PRPF40B: variants seen among roughly 807,000 people sequenced by gnomAD.
PRPF40B encodes the protein pre-mRNA processing factor 40B.
Under a neutral mutation model 124.5 loss-of-function variants are expected in PRPF40B, and 56 were observed. That is an observed-to-expected ratio of 0.45 (90% confidence interval 0.36 to 0.56). The LOEUF is 0.56. PRPF40B is among the 20% of genes least tolerant of loss of function. The pLI is 0.00. For synonymous variants in PRPF40B, 443 were observed against 426.4 expected (o/e 1.04, Z -0.48); for missense variants, 1,053 against 1,169.5 (o/e 0.90, Z 1.45).
At chr12:49,632,819 C>T in intron 5 of PRPF40B, 36 bp from the exon 6 acceptor site, 1 of 1,613,970 alleles carries the variant, frequency 6.2e-7, no homozygotes, top group Non-Finnish European at 8.5e-7. Flanking sequence ...GAGGTCGGAG[C>T]AAGGACTTAG....
In PRPF40B at chr12:49,634,406, G is replaced by A; in HGVS notation, c.887G>A (p.Ser296Asn). ...CCAGAGAGGTCTGGCCTCAGTTGGA[G>A]CAACCGGGAGAAGGCAAAGCAGGCA... ...PEPERSGLSW[S>N]NREKAKQAFK... Residue 296 changes from serine to asparagine, a missense_variant, in exon 11 of 26, where the codon AGC (serine) becomes AAC (asparagine). Physicochemically the swap from Ser to Asn is conservative, Grantham distance 46 (BLOSUM62 1). Coordinates refer to ENST00000548825, the MANE Select transcript of PRPF40B (RefSeq NM_001031698.3). 6.2e-7 allele frequency: 1 copy of A among 1,614,236 alleles called. No homozygotes were observed. The highest frequency in any genetic ancestry group is 8.5e-7 in the Non-Finnish European group (1 of 1,180,032).
rs200654119 is a variant in PRPF40B, at chr12:49,642,983, G to A, written c.2172G>A (p.Lys724=). ...TKGRKHGRKG[K]KHHHKRSHSP... is the part of the protein sequence containing the mutation. The stretch of plus-strand genomic sequence containing the variant: ...GCCGAAAGCATGGCAGGAAAGGCAA[G>A]AAGCACCATCACAAGCGTTCCCACT... Residue 724 remains lysine, a synonymous_variant, in exon 22 of 26, where the codon AAG becomes AAA. Coordinates refer to ENST00000548825, the MANE Select transcript of PRPF40B (RefSeq NM_001031698.3). This position sits in a 1 kb window ranked among gnomAD's most constrained non-coding sequence, Gnocchi z 5.8. The A allele has an allele frequency of 7.9e-5, 127 of 1,613,814 alleles. No homozygotes were observed. The highest frequency in any genetic ancestry group is 1.5e-5 in the Non-Finnish European group (18 of 1,179,898).
Position 49,632,357 on chromosome 12 carries a change from A to G in PRPF40B, c.295-239A>G, listed in dbSNP as rs1941303924. 5.2e-6 allele frequency: 3 copies of G among 576,982 alleles called. No homozygotes were observed. In the South Asian group the frequency reaches 7.1e-5, roughly 14 times the overall value. The allele number at this position is 576,982 out of a possible 1,614,324, so 35.7% of individuals were successfully genotyped here. On this transcript the variant is annotated intron_variant, in intron 4 of 25. Coordinates refer to ENST00000548825, the MANE Select transcript of PRPF40B (RefSeq NM_001031698.3). ...CCACTGTGAAGGAATGAGCCTCGGG[A>G]GTTGTCTCAACAAAATACTCTCACT...
Position 49,636,607 on chromosome 12 carries a change from G to A in PRPF40B, c.1427-109G>A, listed in dbSNP as rs989872263. 3 of 1,490,596 alleles carry A rather than the reference G, an allele frequency of 2.0e-6. No individual in the cohort carries two copies. In the African/African-American group the frequency reaches 4.1e-5, roughly 21 times the overall value. The allele number at this position is 1,490,596 out of a possible 1,614,324, so 92.3% of individuals were successfully genotyped here. On this transcript the variant is annotated intron_variant, in intron 15 of 25. Transcript: ENST00000548825. ...CTCCAGGCCCTTCCCCCACCACCCT[G>A]GGTATCCCTAGCACCTGTAGGACAG...
Position 49,635,283 on chromosome 12 carries a change from C to G in PRPF40B, c.1166+20C>G. On this transcript the variant is annotated intron_variant, in intron 13 of 25. Transcript: ENST00000548825. This position sits in a 1 kb window ranked among gnomAD's most constrained non-coding sequence, Gnocchi z 4.1. ...CTACCGGTCAGGGGGCCAGGCTGGG[C>G]TGGGACTTGGGAACCCTGAGAACAC... 1 of 1,610,668 alleles carries G rather than the reference C, an allele frequency of 6.2e-7. No homozygotes were observed. Among genetic ancestry groups the G allele is most frequent in the Non-Finnish European group, 8.5e-7 (1 of 1,178,202 alleles).
chr12:49,643,130 G>A (rs1283686970), intron 22 of PRPF40B, 93 bp from the exon 23 acceptor site: 1 of 1,587,560 alleles, frequency 6.3e-7, no homozygotes, highest in Non-Finnish European at 8.6e-7. Flanking sequence ...GATTCCTTTG[G>A]CCCTGGGTCC....
intron 16 of PRPF40B, 37 bp downstream of exon 16, chr12:49,636,886 C>G (rs145198596): frequency 2.2e-4 from 353 of 1,612,174 alleles, no homozygotes; most frequent in Non-Finnish European, 2.6e-4. Flanking sequence ...GAGCTCAGCT[C>G]TGCCCTAGAG....
At position 49,633,557 on chromosome 12, in the gene PRPF40B, C is replaced by T; in HGVS notation, c.580+10C>T. Reference sequence around the variant, plus strand: ...CTGGATGACCTAGAGGGTGAGATGTCCTACGGGTGGGCCAGGTCAGGAGCT... The same window carrying T: ...CTGGATGACCTAGAGGGTGAGATGTTCTACGGGTGGGCCAGGTCAGGAGCT... On this transcript the variant is annotated intron_variant, in intron 8 of 25. Coordinates refer to ENST00000548825, the MANE Select transcript of PRPF40B (RefSeq NM_001031698.3). 4.3e-6 allele frequency: 7 copies of T among 1,614,232 alleles called. No homozygotes were observed. In the South Asian group the frequency reaches 7.7e-5, roughly 18 times the overall value.
chr12:49,635,837 C>A lies in PRPF40B; in HGVS notation c.1276-6C>A, dbSNP rs376014577. 2.2e-5 allele frequency: 35 copies of A among 1,613,518 alleles called. No homozygotes were observed. In the African/African-American group the frequency reaches 4.0e-4, roughly 18 times the overall value. ...CCTGCCTCACCCTGATCCTGTGGCTCCCTAGGAACAGGCCAAGCAGCTCCG... is the reference window on the plus strand; with the variant it reads ...CCTGCCTCACCCTGATCCTGTGGCTACCTAGGAACAGGCCAAGCAGCTCCG... On this transcript the variant is annotated splice_region_variant and splice_polypyrimidine_tract_variant and intron_variant, in intron 14 of 25. Coordinates refer to ENST00000548825, the MANE Select transcript of PRPF40B (RefSeq NM_001031698.3). This position sits in a 1 kb window ranked among gnomAD's most constrained non-coding sequence, Gnocchi z 4.1.
intron 1 of PRPF40B, among the ~76,000 whole-genome samples, chr12:49,624,722 G>A (rs1225398852): frequency 2.6e-5 from 4 of 152,130 alleles, no homozygotes; most frequent in Non-Finnish European, 5.9e-5. Flanking sequence ...GCCCATGCCT[G>A]TAATCCCAGC....
intron 7 of PRPF40B, 59 bp from the exon 8 acceptor site, chr12:49,633,368 C>T: frequency 6.2e-7 from 1 of 1,609,750 alleles, no homozygotes; most frequent in Non-Finnish European, 8.5e-7. Flanking sequence ...CCTTAGCTCC[C>T]CTGACTGGCT....
At chr12:49,623,795 G>A in intron 1 of PRPF40B, 1 of 1,147,250 alleles carries the variant, frequency 8.7e-7, no homozygotes, top group Non-Finnish European at 1.1e-6. Context: ...GGGAGGCCAT[G>A]ATGGAGCCTG....
intron 18 of PRPF40B, chr12:49,639,367 C>T (rs2138588702): frequency 6.6e-6 from 1 of 152,294 alleles, no homozygotes; most frequent in South Asian, 2.1e-4. Flanking sequence ...CCAAGAAGCA[C>T]TAGATGCTAG....
Position 49,642,265 on chromosome 12 carries a change from G to A in PRPF40B, c.1915G>A (p.Glu639Lys). The change falls in exon 20 of 26, where the codon GAG (glutamate) becomes AAG (lysine). Residue 639 changes from glutamate (E) to lysine (K), a missense_variant. Glu to Lys is a moderately conservative substitution (Grantham distance 56). Transcript: ENST00000548825. The surrounding 1 kb of genome is among the most constrained non-coding windows in gnomAD (Gnocchi z 5.8). ...GGAGAAAGCAGAGGCACGGGAGAGG[G>A]AGCGGGAGAAGGAGGAGGCACGCAG... Reference protein sequence around the residue: ...LLEKAEAREREREKEEARRMR... With the variant: ...LLEKAEARERKREKEEARRMR... 1 of 1,614,208 alleles carries A rather than the reference G, an allele frequency of 6.2e-7. No individual in the cohort carries two copies. The highest frequency in any genetic ancestry group is 8.5e-7 in the Non-Finnish European group (1 of 1,180,030).
chr12:49,624,009 G>A, intron 1 of PRPF40B: 1 of 1,009,072 alleles, frequency 9.9e-7, no homozygotes, highest in Non-Finnish European at 1.2e-6. Flanking sequence ...CCCAGCGCCC[G>A]TTCCCTTTGG....
In PRPF40B at chr12:49,633,051, G is replaced by GC. The variant is rs1565830157; in HGVS notation, c.387dup (p.Ile130HisfsTer7). ...AGTGAGCATGTGGCCCCAGATGGGC[G>GC]CATCTACTACTACAATGCTGACGAC... On this transcript the variant is annotated frameshift_variant, in exon 7 of 26. Transcript: ENST00000548825. LOFTEE classifies it high-confidence loss of function. The GC allele has an allele frequency of 6.4e-7, 1 of 1,566,662 alleles. No homozygotes were observed. The highest frequency in any genetic ancestry group is 8.6e-7 in the Non-Finnish European group (1 of 1,156,234).
chr12:49,642,411 T>C lies in PRPF40B; in HGVS notation c.2022+39T>C. ...CCTGGCCCCAAGCACCCCTCAAGCC[T>C]GAGGGCAGCGGTGCTTCACCACTGA... is the stretch of plus-strand genomic sequence containing the variant. On this transcript the variant is annotated intron_variant, in intron 20 of 25. Transcript: ENST00000548825. This position sits in a 1 kb window ranked among gnomAD's most constrained non-coding sequence, Gnocchi z 5.8. 1 of 1,608,320 alleles carries C rather than the reference T, an allele frequency of 6.2e-7. No individual in the cohort carries two copies. Among genetic ancestry groups the C allele is most frequent in the Non-Finnish European group, 8.5e-7 (1 of 1,176,070 alleles).
chr12:49,644,308 AC>A lies in PRPF40B; in HGVS notation c.*120del. ...GTCTGTGTCCACTTTTTCTAAAGTAACCCCACCCCCAGCACACCATTGTTGG... is the reference window on the plus strand; with the variant it reads ...GTCTGTGTCCACTTTTTCTAAAGTAACCCACCCCCAGCACACCATTGTTGG... On this transcript the variant is annotated 3_prime_UTR_variant, in exon 26 of 26. Transcript: ENST00000548825. The A allele has an allele frequency of 8.5e-7, 1 of 1,169,818 alleles. No individual in the cohort carries two copies. Among genetic ancestry groups the A allele is most frequent in the Non-Finnish European group, 1.2e-6 (1 of 806,170 alleles). 72.5% of individuals were successfully genotyped at this position (1,169,818 alleles called of 1,614,324 possible).
At chr12:49,632,413 GA>G in intron 4 of PRPF40B, 182 bp from the exon 5 acceptor site, 1 of 670,754 alleles carries the variant, frequency 1.5e-6, no homozygotes, top group Admixed American at 2.5e-5. Flanking sequence ...GCTGCTATGC[GA>G]TTCTCCCTTG....
Sources: allele counts gnomAD v4.1 joint callset (sites outside exome capture counted in the v4.1 genomes callset), GRCh38; gene constraint gnomAD v4.1.1; non-coding constraint Gnocchi (gnomAD v3.1); transcripts MANE v1.5; gene names NCBI Gene and HGNC (gene_info 2026-07-23, HGNC 2026-07-21).